The following RELL1 variants were observed in gnomAD, a reference collection of about 807,000 sequenced individuals.
The protein encoded by RELL1 is RELT like 1, also known as RELT-like protein 1.
In RELL1, 10 loss-of-function variants were observed where a neutral mutation model predicts 23.0. The observed-to-expected ratio is 0.43, with a 90% CI of 0.27 to 0.74. The LOEUF (loss-of-function observed/expected upper bound fraction) is 0.74, where lower values mean the gene tolerates loss of function less well. RELL1 is among the 30% of genes least tolerant of loss of function. The pLI, the probability that RELL1 is intolerant of heterozygous loss-of-function variation, is 0.19. For missense variants in RELL1, 315 were observed against 364.4 expected (o/e 0.86, Z 1.10); for synonymous variants, 146 against 146.8 (o/e 0.99, Z 0.04).
chr4:37,677,971 T>TC (rs994758916), intron 1 of RELL1, among the ~76,000 whole-genome samples: 2 of 151,572 alleles, frequency 1.3e-5, no homozygotes, highest in Admixed American at 6.6e-5. Flanking sequence ...CAAGACCTTG[T>TC]CCCCCCAAAA....
At chr4:37,631,649 A>G in intron 5 of RELL1, 126 bp from the exon 6 acceptor site, 1 of 1,026,792 alleles carries the variant, frequency 9.7e-7, no homozygotes, top group Non-Finnish European at 1.4e-6. Flanking sequence ...ACACAAATGA[A>G]AAACAACATA....
chr4:37,604,870 C>CACACACACAG, intron 6 of RELL1, among the ~76,000 whole-genome samples: 4 of 138,038 alleles, frequency 2.9e-5, no homozygotes, highest in East Asian at 4.3e-4. Flanking sequence ...CACACAGACA[C>CACACACACAG]ACACACACAT....
At chr4:37,669,141 A>G (rs1721675049) in intron 1 of RELL1, among the ~76,000 whole-genome samples, 1 of 115,026 alleles carries the variant, frequency 8.7e-6, no homozygotes, top group Middle Eastern at 7.4e-3. Context: ...GGAAGTGAGG[A>G]GCCCCTCTGC....
chr4:37,651,341 C>G (rs1720932729), intron 1 of RELL1, among the ~76,000 whole-genome samples: 2 of 152,082 alleles, frequency 1.3e-5, no homozygotes, highest in African/African-American at 4.8e-5. Context: ...AGAGGGGAGT[C>G]AGGTAGATGA....
chr4:37,683,843 AG>A (rs1167760979), intron 1 of RELL1, among the ~76,000 whole-genome samples: 1 of 152,082 alleles, frequency 6.6e-6, no homozygotes, highest in Non-Finnish European at 1.5e-5. Context: ...GCACTTTGGG[AG>A]GCCAAGGTGG....
rs954572132 is a variant in RELL1 at position 37,647,742 on chromosome 4, A to C, written c.314-303T>G. Among the ~76,000 whole-genome samples the C allele has an allele frequency of 2.6e-5, 4 of 152,364 alleles. No individual in the cohort carries two copies. The East Asian group carries it at 7.7e-4, about 29-fold the overall frequency. On this transcript the variant is annotated intron_variant, in intron 2 of 6. Transcript: ENST00000454158. ...ATTATTTCTCTCTCATCATTTTCTTAAAGCCTTATGAGAAATGGGAAGAAA... is the reference window on the plus strand; with the variant it reads ...ATTATTTCTCTCTCATCATTTTCTTCAAGCCTTATGAGAAATGGGAAGAAA...
Position 37,686,350 on chromosome 4 carries a change from G to T in RELL1, c.-63C>A. On this transcript the variant is annotated 5_prime_UTR_variant, in exon 1 of 7. Coordinates refer to ENST00000454158, the MANE Select transcript of RELL1 (RefSeq NM_001085400.2). ...GTCCCGCGCTCGGGAAGGCAGAGCC[G>T]CTCCGGAGCCGGCGGGCTGATCGAG... 7 of 1,292,050 alleles carry T rather than the reference G, an allele frequency of 5.4e-6. No individual in the cohort carries two copies. The highest frequency in any genetic ancestry group is 1.6e-5 in the South Asian group (1 of 64,192). The allele number at this position is 1,292,050 out of a possible 1,614,324, so 80.0% of individuals were successfully genotyped here. A position where few individuals can be genotyped will look rare whatever the true frequency, so the allele number is the denominator to read the frequency against.
At chr4:37,668,775 G>T (rs1479176915) in intron 1 of RELL1, among the ~76,000 whole-genome samples, 8 of 131,710 alleles carry the variant, frequency 6.1e-5, no homozygotes, top group Admixed American at 1.5e-4. Context: ...AGTGAGGAGC[G>T]CCTCTTCCCG....
chr4:37,594,074 T>G (rs145571220), intron 6 of RELL1, among the ~76,000 whole-genome samples: 1,746 of 152,348 alleles, frequency 0.011, 45 homozygotes, highest in African/African-American at 0.04. Flanking sequence ...TTCTCTTTTA[T>G]GAATAACTGC....
rs932470622 is a variant in RELL1, at chr4:37,686,349, C to G, written c.-62G>C. ...CGTCCCGCGCTCGGGAAGGCAGAGCCGCTCCGGAGCCGGCGGGCTGATCGA... is the reference window on the plus strand; with the variant it reads ...CGTCCCGCGCTCGGGAAGGCAGAGCGGCTCCGGAGCCGGCGGGCTGATCGA... On this transcript the variant is annotated 5_prime_UTR_variant, in exon 1 of 7. Coordinates refer to ENST00000454158, the MANE Select transcript of RELL1 (RefSeq NM_001085400.2). 1.9e-4 allele frequency: 244 copies of G among 1,300,684 alleles called. 1 individual carries two copies. The highest frequency in any genetic ancestry group is 1.9e-4 in the Admixed American group (6 of 30,956). 80.6% of individuals were successfully genotyped at this position (1,300,684 alleles called of 1,614,324 possible).
At chr4:37,684,572 A>C (rs1722335625) in intron 1 of RELL1, among the ~76,000 whole-genome samples, 2 of 152,192 alleles carry the variant, frequency 1.3e-5, no homozygotes, top group Admixed American at 6.5e-5. Flanking sequence ...ACTGACTCTA[A>C]CCCTCTAATG....
At chr4:37,648,172 G>A (rs1258113326) in intron 2 of RELL1, among the ~76,000 whole-genome samples, 1 of 152,342 alleles carries the variant, frequency 6.6e-6, no homozygotes, top group African/African-American at 2.4e-5. Flanking sequence ...TTTCCTCCAC[G>A]TGAACATGCA....
intron 6 of RELL1, among the ~76,000 whole-genome samples, chr4:37,619,650 C>T (rs1414585580): frequency 6.6e-6 from 1 of 152,332 alleles, no homozygotes; most frequent in East Asian, 1.9e-4. Flanking sequence ...TCACTACAGC[C>T]TCCAACTACT....
chr4:37,675,287 G>A (rs746108466), intron 1 of RELL1, among the ~76,000 whole-genome samples: 2 of 152,198 alleles, frequency 1.3e-5, no homozygotes, highest in East Asian at 1.9e-4. Flanking sequence ...GCTGGGCACC[G>A]AATACCTGCA....
rs577009225 is a variant in RELL1, at chr4:37,661,735, T to TG, written c.89-12236dup. Among the ~76,000 whole-genome samples, 29 of 152,356 alleles carry TG rather than the reference T, an allele frequency of 1.9e-4. No individual in the cohort carries two copies. The South Asian group carries it at 4.8e-3, about 25-fold the overall frequency. On this transcript the variant is annotated intron_variant, in intron 1 of 6. Transcript: ENST00000454158. ...AGTCTCTAAGACCATCTACCCACAG[T>TG]GGCAATCATAAAGACACAGCATTTG... is the stretch of plus-strand genomic sequence containing the variant.
chr4:37,590,095 T>C, downstream of RELL1: 1 of 1,611,892 alleles, frequency 6.2e-7, no homozygotes, highest in African/African-American at 1.3e-5. Context: ...AAGCTATCTC[T>C]TTGATCCAGT....
chr4:37,635,989 A>G (rs1041343639), intron 4 of RELL1, among the ~76,000 whole-genome samples: 1 of 152,262 alleles, frequency 6.6e-6, no homozygotes, highest in South Asian at 2.1e-4. Flanking sequence ...GATAACAGTC[A>G]TAATTAAATA....
intron 6 of RELL1, among the ~76,000 whole-genome samples, chr4:37,614,376 CAGAA>C (rs1444442227): frequency 3.3e-5 from 5 of 151,670 alleles, no homozygotes; most frequent in African/African-American, 9.7e-5. Context: ...GGGAGACAGA[CAGAA>C]AGAAAGAGAT....
chr4:37,681,520 T>G (rs983970507), intron 1 of RELL1, among the ~76,000 whole-genome samples: 2 of 3,712 alleles, frequency 5.4e-4, no homozygotes, highest in African/African-American at 1.0e-3. Context: ...CTCCTTCTGT[T>G]TTTTTTTTTT....
Sources: gnomAD v4.1 joint callset for allele counts (sites outside exome capture counted in the v4.1 genomes callset) on GRCh38, gnomAD v4.1.1 for gene constraint, MANE v1.5 for transcripts, NCBI Gene and HGNC (gene_info 2026-07-23, HGNC 2026-07-21) for gene names.